LUC7L: variants seen among roughly 807,000 people sequenced by gnomAD.
LUC7L encodes putative RNA-binding protein Luc7-like 1.
In LUC7L, 29 loss-of-function variants were observed where a neutral mutation model predicts 51.1. The ratio of observed to expected loss-of-function variants is 0.57; its 90% confidence interval spans 0.42 to 0.77. LUC7L has a LOEUF of 0.77. LUC7L is among the 30% of genes least tolerant of loss of function. The pLI, the probability that LUC7L is intolerant of heterozygous loss-of-function variation, is 0.00. For synonymous variants in LUC7L, 181 were observed against 180.7 expected, an observed-to-expected ratio of 1.00 and a Z score of -0.01; for missense variants, 403 against 511.9, an observed-to-expected ratio of 0.79 and a Z score of 2.05.
intron 3 of LUC7L, among the ~76,000 whole-genome samples, chr16:215,545 G>A (rs180714696): frequency 1.3e-5 from 2 of 151,838 alleles, no homozygotes; most frequent in Admixed American, 6.6e-5. Context: ...GCTTGAACCC[G>A]GCAGGCGGAG....
intron 9 of LUC7L, 199 bp from the exon 10 acceptor site, chr16:189,538 T>C (rs1268555647): frequency 5.0e-6 from 7 of 1,388,582 alleles, no homozygotes; most frequent in Non-Finnish European, 6.5e-6. Flanking sequence ...TTTGCGAAGA[T>C]TTTTAATAAG....
chr16:225,272 G>A (rs1241693519), intron 2 of LUC7L, among the ~76,000 whole-genome samples: 1 of 151,940 alleles, frequency 6.6e-6, no homozygotes, highest in Non-Finnish European at 1.5e-5. Context: ...TGGATCACGA[G>A]GTCAGGAGCT....
At chr16:189,821 C>CA (rs1359491299) in intron 9 of LUC7L, 147 bp downstream of exon 9, 3 of 1,441,556 alleles carry the variant, frequency 2.1e-6, no homozygotes. Context: ...CCTCTTCCCA[C>CA]ACCTGAGTCC....
At chr16:192,659 C>T (rs536625279) in intron 7 of LUC7L, among the ~76,000 whole-genome samples, 51 of 152,148 alleles carry the variant, frequency 3.4e-4, no homozygotes, top group Admixed American at 5.2e-4. Flanking sequence ...CATGCCAGCA[C>T]GCCCAGCTAA....
chr16:217,870 C>T (rs1421463787), intron 3 of LUC7L, among the ~76,000 whole-genome samples: 1 of 151,804 alleles, frequency 6.6e-6, no homozygotes, highest in Non-Finnish European at 1.5e-5. Context: ...GAAACCTCAT[C>T]TCTACTAAAA....
chr16:205,620 C>T (rs930434042), intron 5 of LUC7L, among the ~76,000 whole-genome samples: 16 of 152,242 alleles, frequency 1.1e-4, no homozygotes, highest in Middle Eastern at 3.4e-3. Flanking sequence ...GACAGAGTCT[C>T]GCTCTGTCGC....
At chr16:205,741 C>T (rs569507148) in intron 5 of LUC7L, among the ~76,000 whole-genome samples, 4 of 152,280 alleles carry the variant, frequency 2.6e-5, no homozygotes, top group South Asian at 2.1e-4. Context: ...AGGTGCCTGG[C>T]GCCATGCCCG....
In LUC7L at chr16:208,177, G is replaced by A; in HGVS notation, c.267C>T (p.His89=). 6.2e-7 allele frequency: 1 copy of A among 1,611,126 alleles called. No individual in the cohort carries two copies. The change falls in exon 4 of 10, where the codon CAC becomes CAT. Residue 89 remains histidine, a synonymous_variant. Transcript: ENST00000293872. The part of the protein sequence containing the change: ...DLFFELDAMD[H]LESFIAECDR... ...CACATTCAGCAATAAAGGACTCCAA[G>A]TGATCCATTGCCTAGCACGGGAAAA...
At chr16:198,860 G>A (rs1231565090) in intron 6 of LUC7L, among the ~76,000 whole-genome samples, 1 of 151,590 alleles carries the variant, frequency 6.6e-6, no homozygotes, top group Non-Finnish European at 1.5e-5. Flanking sequence ...CTAATTTTTC[G>A]GTAGAGACGG....
intron 3 of LUC7L, chr16:208,592 T>G (rs1387915699): frequency 9.8e-7 from 1 of 1,019,562 alleles, no homozygotes; most frequent in African/African-American, 1.7e-5. Context: ...ATGCATATGA[T>G]GTACTCACTG....
chr16:213,647 C>T (rs768391227), intron 3 of LUC7L, among the ~76,000 whole-genome samples: 40 of 152,126 alleles, frequency 2.6e-4, no homozygotes, highest in Admixed American at 2.6e-3. Flanking sequence ...TCATGCAATC[C>T]GTCTGCCTCG....
chr16:210,504 T>C (rs1339679785), intron 3 of LUC7L, among the ~76,000 whole-genome samples: 1 of 152,198 alleles, frequency 6.6e-6, no homozygotes, highest in East Asian at 1.9e-4. Flanking sequence ...CCTTCTCTTC[T>C]GTGCTTACCT....
intron 2 of LUC7L, among the ~76,000 whole-genome samples, chr16:225,209 C>T (rs557713641): frequency 6.6e-5 from 10 of 152,132 alleles, no homozygotes; most frequent in Non-Finnish European, 1.0e-4. Flanking sequence ...CAGTTCTGGC[C>T]GGGCGCAGTG....
chr16:197,138 C>T (rs1255152839), intron 6 of LUC7L, among the ~76,000 whole-genome samples: 1 of 150,536 alleles, frequency 6.6e-6, no homozygotes, highest in Non-Finnish European at 1.5e-5. Flanking sequence ...AATCTCCTGA[C>T]CCAGTGATCT....
chr16:198,521 T>C (rs981962061), intron 6 of LUC7L, among the ~76,000 whole-genome samples: 2 of 152,064 alleles, frequency 1.3e-5, no homozygotes, highest in African/African-American at 4.8e-5. Context: ...GAGCTGTATG[T>C]ATTCTGGGAA....
At position 189,080 on chromosome 16, in the gene LUC7L, G is replaced by T; in HGVS notation, c.*118C>A. 1 of 1,162,700 alleles carries T rather than the reference G, an allele frequency of 8.6e-7. No individual in the cohort carries two copies. The highest frequency in any genetic ancestry group is 1.2e-6 in the Non-Finnish European group (1 of 818,364). The allele number at this position is 1,162,700 out of a possible 1,614,324, so 72.0% of individuals were successfully genotyped here. ...GTACACTTCTAGAAACTCACAGCTAGCTCCAAAACAATAGAAATTTTAAAC... is the reference window on the plus strand; with the variant it reads ...GTACACTTCTAGAAACTCACAGCTATCTCCAAAACAATAGAAATTTTAAAC... On this transcript the variant is annotated 3_prime_UTR_variant, in exon 10 of 10. Coordinates refer to ENST00000293872, the MANE Select transcript of LUC7L (RefSeq NM_201412.3).
chr16:195,615 G>T (rs1221193698), intron 6 of LUC7L, among the ~76,000 whole-genome samples: 2 of 152,094 alleles, frequency 1.3e-5, no homozygotes, highest in African/African-American at 4.8e-5. Flanking sequence ...GTAGAGACAG[G>T]GTCTCCTTAT....
At chr16:208,316 T>C in intron 3 of LUC7L, 128 bp from the exon 4 acceptor site, 2 of 663,522 alleles carry the variant, frequency 3.0e-6, no homozygotes, top group Non-Finnish European at 2.6e-6. Flanking sequence ...AAGGGAAAGA[T>C]CTTAAACTAC....
rs961529233 is a variant in LUC7L at position 215,258 on chromosome 16, C to T, written c.255+5391G>A. Among the ~76,000 whole-genome samples the T allele has an allele frequency of 1.1e-4, 17 of 152,108 alleles. No individual in the cohort carries two copies. The South Asian group carries it at 2.5e-3, about 22-fold the overall frequency. On this transcript the variant is annotated intron_variant, in intron 3 of 9. Transcript: ENST00000293872. ...ATCCCAGCACTTTGGGAGAGTGAGG[C>T]GGGCAGATCACAAGGTCAGGAGCTT...
Sources: allele counts gnomAD v4.1 joint callset (sites outside exome capture counted in the v4.1 genomes callset), GRCh38; gene constraint gnomAD v4.1.1; transcripts MANE v1.5; gene names NCBI Gene and HGNC (gene_info 2026-07-23, HGNC 2026-07-21).